PDLIM3: variants seen among roughly 807,000 people sequenced by gnomAD.
The protein encoded by PDLIM3 is PDZ and LIM domain protein 3.
PDLIM3 carries 36 observed loss-of-function variants against 37.3 expected under a neutral mutation model. That is an observed-to-expected ratio of 0.97 (90% CI 0.74 to 1.28). PDLIM3 has a LOEUF of 1.28. Ranked by LOEUF, PDLIM3 falls within the 50% of genes most tolerant of loss-of-function variation. The pLI is 0.00. For missense variants in PDLIM3, 454 were observed against 485.0 expected (o/e 0.94, Z 0.60); for synonymous variants, 174 against 182.4 (o/e 0.95, Z 0.37).
intron 2 of PDLIM3, among the ~76,000 whole-genome samples, 183 bp from the exon 3 acceptor site, chr4:185,523,629 T>G (rs937696035): frequency 4.0e-5 from 6 of 151,162 alleles, no homozygotes; most frequent in Non-Finnish European, 8.9e-5. Flanking sequence ...CCCCCCTTTT[T>G]TTTTCTTTTA....
At chr4:185,535,204 G>T in intron 1 of PDLIM3, 138 bp downstream of exon 1, 1 of 685,492 alleles carries the variant, frequency 1.5e-6, no homozygotes, top group Non-Finnish European at 2.4e-6. Context: ...GGGCGCCGAA[G>T]CCCGGGAGCC....
At chr4:185,516,699 T>C (rs914294465) in intron 3 of PDLIM3, 2 of 152,192 alleles carry the variant, frequency 1.3e-5, no homozygotes, top group African/African-American at 4.8e-5. Flanking sequence ...GCCAGGGCAA[T>C]GGGGTACAGC....
At chr4:185,508,227 A>G (rs2095700971) in intron 5 of PDLIM3, 72 bp downstream of exon 5, 2 of 1,414,752 alleles carry the variant, frequency 1.4e-6, no homozygotes, top group African/African-American at 2.8e-5. Flanking sequence ...ACAATGTTAA[A>G]AGACACCAGT....
chr4:185,511,239 A>G (rs2095706042), intron 4 of PDLIM3, among the ~76,000 whole-genome samples: 2 of 152,236 alleles, frequency 1.3e-5, no homozygotes, highest in South Asian at 4.1e-4. Context: ...AAAATTTTAC[A>G]TATTTGTATA....
At chr4:185,503,156 G>A (rs567588181) in intron 7 of PDLIM3, among the ~76,000 whole-genome samples, 1 of 152,238 alleles carries the variant, frequency 6.6e-6, no homozygotes, top group East Asian at 1.9e-4. Context: ...CCCGGGAGGC[G>A]GAGGTTGCAG....
chr4:185,526,642 C>G (rs1312026940), intron 1 of PDLIM3, among the ~76,000 whole-genome samples: 3 of 152,230 alleles, frequency 2.0e-5, no homozygotes, highest in African/African-American at 7.2e-5. Context: ...ACACCTCTGT[C>G]TAGACCTCAC....
chr4:185,512,654 T>C, intron 4 of PDLIM3: 1 of 984,454 alleles, frequency 1.0e-6, no homozygotes, highest in South Asian at 4.7e-5. Flanking sequence ...TGTGTTACTC[T>C]AACGTATCAC....
At position 185,521,032 on chromosome 4, in the gene PDLIM3, T is replaced by C. The variant is rs563974333; in HGVS notation, c.330+2330A>G. Among the ~76,000 whole-genome samples the C allele has an allele frequency of 4.0e-3, 266 of 66,324 alleles. 110 individuals are homozygous for C. The highest frequency in any genetic ancestry group is 0.033 in the Middle Eastern group (5 of 150). 43.5% of individuals were successfully genotyped at this position (66,324 alleles called of 152,430 possible). ...TGAGTGGTCAATAAGTGCATGTCTA[T>C]TGACTTTAATTCTTAAAAGCACCAT... On this transcript the variant is annotated intron_variant, in intron 3 of 7. Transcript: ENST00000284767.
At chr4:185,523,124 C>A in intron 3 of PDLIM3, 1 of 460,238 alleles carries the variant, frequency 2.2e-6, no homozygotes, top group Non-Finnish European at 3.9e-6. Context: ...TAGATTTAGC[C>A]AAATTCTTTC....
rs2095692523 is a variant in PDLIM3, at chr4:185,504,192, T to C, written c.905+283A>G. Among the ~76,000 whole-genome samples, 1 of 152,144 alleles carries C rather than the reference T, an allele frequency of 6.6e-6. No homozygotes were observed. The highest frequency in any genetic ancestry group is 2.4e-5 in the African/African-American group (1 of 41,430). ...GGGGAGTTTAAAGTGAAGTCTTGAT[T>C]CTTAGACGTGACTTTTCAACATACA... On this transcript the variant is annotated intron_variant, in intron 7 of 7. Coordinates refer to ENST00000284767, the MANE Select transcript of PDLIM3 (RefSeq NM_014476.6). This position sits in a 1 kb window ranked among gnomAD's most constrained non-coding sequence, Gnocchi z 4.7.
At position 185,514,763 on chromosome 4, in the gene PDLIM3, C is replaced by T. The variant is rs2095712271; in HGVS notation, c.331-426G>A. 1.3e-6 allele frequency: 2 copies of T among 1,552,026 alleles called. No homozygotes were observed. Among genetic ancestry groups the T allele is most frequent in the Non-Finnish European group, 1.7e-6 (2 of 1,147,070 alleles). Reference sequence around the variant, plus strand: ...TCCGTGAAGCGCATCTTGTATATTGCTAGTTGAATAGAGCCCAATTGGCGA... The same window carrying T: ...TCCGTGAAGCGCATCTTGTATATTGTTAGTTGAATAGAGCCCAATTGGCGA... On this transcript the variant is annotated intron_variant, in intron 3 of 7. Coordinates refer to ENST00000284767, the MANE Select transcript of PDLIM3 (RefSeq NM_014476.6). The surrounding 1 kb of genome is among the most constrained non-coding windows in gnomAD (Gnocchi z 4.0).
chr4:185,513,040 T>A, intron 4 of PDLIM3: 3 of 985,360 alleles, frequency 3.0e-6, no homozygotes, highest in Non-Finnish European at 3.6e-6. Flanking sequence ...CCAGTGAGCA[T>A]TTATTGGGCA....
Position 185,514,599 on chromosome 4 carries a change from C to A in PDLIM3, c.331-262G>T. The A allele has an allele frequency of 7.6e-7, 1 of 1,312,390 alleles. No individual in the cohort carries two copies. Among genetic ancestry groups the A allele is most frequent in the Admixed American group, 2.7e-5 (1 of 37,200 alleles). The allele number at this position is 1,312,390 out of a possible 1,614,324, so 81.3% of individuals were successfully genotyped here. A position where few individuals can be genotyped will look rare whatever the true frequency, so the allele number is the denominator to read the frequency against. On this transcript the variant is annotated intron_variant, in intron 3 of 7. Transcript: ENST00000284767. This position sits in a 1 kb window ranked among gnomAD's most constrained non-coding sequence, Gnocchi z 4.0. Reference sequence around the variant, plus strand: ...TAAAAGAGAAATCTGATAGTGCCTTCAGGAAAGTAAAAATAAAACAGCAAG... The same window carrying A: ...TAAAAGAGAAATCTGATAGTGCCTTAAGGAAAGTAAAAATAAAACAGCAAG...
intron 7 of PDLIM3, among the ~76,000 whole-genome samples, chr4:185,502,958 TG>T (rs1021158854): frequency 6.6e-6 from 1 of 152,114 alleles, no homozygotes; most frequent in Non-Finnish European, 1.5e-5. Flanking sequence ...CCGGGCGTGG[TG>T]GCTCACGCCT....
At chr4:185,506,872 C>T (rs2095698438) in intron 5 of PDLIM3, 4 of 516,188 alleles carry the variant, frequency 7.7e-6, no homozygotes, top group South Asian at 5.1e-5. Flanking sequence ...GAGTCACACC[C>T]ACACTCCTCC....
At position 185,535,405 on chromosome 4, in the gene PDLIM3, A is replaced by G; in HGVS notation, c.30T>C (p.Pro10=). The change falls in exon 1 of 8, where the codon CCT becomes CCC. Residue 10 remains proline, a synonymous_variant. Transcript: ENST00000284767. MPQTVILPG[P]APWGFRLSGG... is the part of the protein sequence containing the mutation. ...CTGAGAGCCTGAAGCCCCAGGGCGC[A>G]GGGCCCGGGAGGATCACCGTCTGGG... 6.2e-7 allele frequency: 1 copy of G among 1,604,316 alleles called. No homozygotes were observed. The highest frequency in any genetic ancestry group is 2.3e-5 in the East Asian group (1 of 44,128).
chr4:185,502,349 G>C lies in PDLIM3; in HGVS notation c.1040C>G (p.Ala347Gly). 1 of 1,614,248 alleles carries C rather than the reference G, an allele frequency of 6.2e-7. No individual in the cohort carries two copies. The highest frequency in any genetic ancestry group is 1.3e-5 in the African/African-American group (1 of 75,070). ...ATAGCCCTCTGGGGGCTTTGTGCGG[G>C]CTCTTGCGTGGGTTTCGCAGTACAG... ...GELYCETHAR[A>G]RTKPPEGYDT... The change falls in exon 8 of 8, where the codon GCC becomes GGC. Residue 347 changes from alanine (A) to glycine (G), a missense_variant. By Grantham distance (60) the Ala-to-Gly change is moderately conservative. Coordinates refer to ENST00000284767, the MANE Select transcript of PDLIM3 (RefSeq NM_014476.6).
At chr4:185,524,801 T>C (rs2095730000) in intron 2 of PDLIM3, among the ~76,000 whole-genome samples, 2 of 152,238 alleles carry the variant, frequency 1.3e-5, no homozygotes, top group Admixed American at 1.3e-4. Flanking sequence ...TAGCCTCTTT[T>C]ATTATTCTAA....
At position 185,514,128 on chromosome 4, in the gene PDLIM3, AGTTT is replaced by A; in HGVS notation, c.398+138_398+141del. The A allele has an allele frequency of 2.6e-6, 4 of 1,548,736 alleles. No individual in the cohort carries two copies. In the South Asian group the frequency reaches 3.5e-5, roughly 14 times the overall value. On this transcript the variant is annotated intron_variant, in intron 4 of 7. Transcript: ENST00000284767. The surrounding 1 kb of genome is among the most constrained non-coding windows in gnomAD (Gnocchi z 4.0). Reference sequence around the variant, plus strand: ...TTTGGCTTCTGTTCTCTGCCAAGTGAGTTTGTTTCTTTTTGCTTTTGAAATAAGC... The same window carrying A: ...TTTGGCTTCTGTTCTCTGCCAAGTGAGTTTCTTTTTGCTTTTGAAATAAGC...
Sources: gnomAD v4.1 joint callset for allele counts (sites outside exome capture counted in the v4.1 genomes callset) on GRCh38, gnomAD v4.1.1 for gene constraint, Gnocchi (gnomAD v3.1) non-coding constraint, MANE v1.5 for transcripts, NCBI Gene and HGNC (gene_info 2026-07-23, HGNC 2026-07-21) for gene names.